The following SEC63 variants were observed in gnomAD, a reference collection of about 807,000 sequenced individuals.
SEC63 encodes SEC63 protein translocation regulator, also known as translocation protein SEC63 homolog.
In SEC63, 56 loss-of-function variants were observed where a neutral mutation model predicts 116.2. That is an observed-to-expected ratio of 0.48 (90% CI 0.39 to 0.60). The LOEUF (loss-of-function observed/expected upper bound fraction) is 0.60. Among genes scored for constraint, SEC63 ranks in the 20% least tolerant of loss-of-function variants. The pLI is 0.00. For missense variants in SEC63, 668 were observed against 900.0 expected (o/e 0.74, Z 3.30); for synonymous variants, 273 against 294.6 (o/e 0.93, Z 0.75).
intron 2 of SEC63, among the ~76,000 whole-genome samples, chr6:107,925,281 G>T (rs888763379): frequency 6.6e-6 from 1 of 152,082 alleles, no homozygotes; most frequent in East Asian, 1.9e-4. Context: ...AAAAAGAATT[G>T]CTCTGACCCA....
intron 13 of SEC63, among the ~76,000 whole-genome samples, chr6:107,897,986 C>T (rs1786902618): frequency 6.6e-6 from 1 of 152,072 alleles, no homozygotes; most frequent in Admixed American, 6.6e-5. Flanking sequence ...AAGGTTTAGC[C>T]AGGCTTGGTG....
chr6:107,893,436 G>A (rs1350482179), intron 16 of SEC63, 46 bp downstream of exon 16: 1 of 1,556,290 alleles, frequency 6.4e-7, no homozygotes, highest in Admixed American at 1.7e-5. Context: ...ATTTTAGTTT[G>A]TATATTTTAG....
intron 16 of SEC63, among the ~76,000 whole-genome samples, chr6:107,889,873 C>T (rs1786638631): frequency 6.6e-6 from 1 of 152,186 alleles, no homozygotes. Flanking sequence ...TGTTCAGTTT[C>T]CATGTAGTTG....
At position 107,870,543 on chromosome 6, in the gene SEC63, A is replaced by G. The variant is rs965507478; in HGVS notation, c.*1161T>C. ...GAATAAAAATATCCACCCTCCCTCA[A>G]TGATTCATCATGTACACATCTCTAC... On this transcript the variant is annotated 3_prime_UTR_variant, in exon 21 of 21. Transcript: ENST00000369002. 2.6e-5 allele frequency: 4 copies of G among 152,294 alleles called. No individual in the cohort carries two copies. Among genetic ancestry groups the G allele is most frequent in the Non-Finnish European group, 5.9e-5 (4 of 68,022 alleles). 9.4% of individuals were successfully genotyped at this position (152,294 alleles called of 1,614,324 possible). A position where few individuals can be genotyped will look rare whatever the true frequency, so the allele number is the denominator to read the frequency against.
intron 2 of SEC63, among the ~76,000 whole-genome samples, chr6:107,925,218 G>C (rs543682098): frequency 6.6e-6 from 1 of 152,008 alleles, no homozygotes; most frequent in South Asian, 2.1e-4. Flanking sequence ...TAACTTACTG[G>C]ACGCATTAAA....
At chr6:107,931,486 TA>T (rs56166744) in intron 1 of SEC63, among the ~76,000 whole-genome samples, 120,783 of 146,748 alleles carry the variant, frequency 0.82, 52,660 homozygotes, top group South Asian at 0.97. Context: ...CTCCCAAGTT[TA>T]AAAAAAAAAA....
At chr6:107,926,920 G>C (rs1324300229) in intron 2 of SEC63, among the ~76,000 whole-genome samples, 1 of 152,184 alleles carries the variant, frequency 6.6e-6, no homozygotes, top group Non-Finnish European at 1.5e-5. Flanking sequence ...ATGCTCTACA[G>C]TTTCCTGAGA....
chr6:107,944,830 C>A (rs1770447472), intron 1 of SEC63, among the ~76,000 whole-genome samples: 1 of 152,172 alleles, frequency 6.6e-6, no homozygotes, highest in Admixed American at 6.5e-5. Context: ...TATGTTTATA[C>A]TGCATTCATC....
Position 107,872,797 on chromosome 6 carries a change from A to G in SEC63, c.2139+11T>C. On this transcript the variant is annotated intron_variant, in intron 20 of 20. Coordinates refer to ENST00000369002, the MANE Select transcript of SEC63 (RefSeq NM_007214.5). ...GAAAACTCTTATTTATTGAAGAGTC[A>G]CTATTCTTACCTTCAATGGTTTAAT... The G allele has an allele frequency of 7.1e-7, 1 of 1,402,928 alleles. No homozygotes were observed. The highest frequency in any genetic ancestry group is 1.0e-6 in the Non-Finnish European group (1 of 1,000,124). 86.9% of individuals were successfully genotyped at this position (1,402,928 alleles called of 1,614,324 possible). A position where few individuals can be genotyped will look rare whatever the true frequency, so the allele number is the denominator to read the frequency against.
At chr6:107,927,502 A>T (rs1047095836) in intron 2 of SEC63, among the ~76,000 whole-genome samples, 1 of 152,164 alleles carries the variant, frequency 6.6e-6, no homozygotes, top group Non-Finnish European at 1.5e-5. Flanking sequence ...TTAATGGTTT[A>T]TGACCTTATC....
Position 107,908,946 on chromosome 6 carries a change from G to C in SEC63, c.714C>G (p.Thr238=), listed in dbSNP as rs142306174. ...ACTTACGTTTCATATCCATATTTCG[G>C]GTTTTATAAACAAAGTATGTATAAA... ...TQIYTYFVYK[T]RNMDMKRLIM... is the part of the protein sequence containing the mutation. Residue 238 remains threonine, a synonymous_variant, in exon 8 of 21, where the codon ACC becomes ACG. Coordinates refer to ENST00000369002, the MANE Select transcript of SEC63 (RefSeq NM_007214.5). The C allele has an allele frequency of 6.8e-6, 11 of 1,606,076 alleles. No individual in the cohort carries two copies. Among genetic ancestry groups the C allele is most frequent in the African/African-American group, 6.7e-5 (5 of 74,606 alleles).
Position 107,912,854 on chromosome 6 carries a change from T to C in SEC63, c.515-80A>G, listed in dbSNP as rs892575202. 8.6e-6 allele frequency: 9 copies of C among 1,046,804 alleles called. No homozygotes were observed. In the African/African-American group the frequency reaches 1.3e-4, roughly 15 times the overall value. The allele number at this position is 1,046,804 out of a possible 1,614,324, so 64.8% of individuals were successfully genotyped here. On this transcript the variant is annotated intron_variant, in intron 5 of 20. Transcript: ENST00000369002. ...ATACATTAAATATATTTGGGATCTA[T>C]AATATATCCCAGAACTCTCCCCCAC...
chr6:107,895,419 G>C (rs1786791729), intron 14 of SEC63, among the ~76,000 whole-genome samples: 1 of 152,028 alleles, frequency 6.6e-6, no homozygotes, highest in South Asian at 2.1e-4. Context: ...TACAAAACAT[G>C]ATTTTCAGGC....
chr6:107,951,928 G>A lies in SEC63; in HGVS notation c.124+5958C>T, dbSNP rs555786208. 2.7e-5 allele frequency among the ~76,000 whole-genome samples: 4 copies of A among 149,516 alleles called. No homozygotes were observed. In the South Asian group the frequency reaches 8.5e-4, roughly 32 times the overall value. On this transcript the variant is annotated intron_variant, in intron 1 of 20. Transcript: ENST00000369002. ...GCAGACCTTGCAGTGAGCTGAGACC[G>A]CGCCACTCCACTCCAGCTTGGGTGA...
chr6:107,883,248 C>T (rs933001406), intron 16 of SEC63, 102 bp from the exon 17 acceptor site: 3 of 1,392,792 alleles, frequency 2.2e-6, no homozygotes, highest in South Asian at 1.2e-5. Context: ...TAAACTGACT[C>T]GATGACAATT....
At chr6:107,905,105 G>C (rs1052419015) in intron 10 of SEC63, among the ~76,000 whole-genome samples, 1 of 152,160 alleles carries the variant, frequency 6.6e-6, no homozygotes. Flanking sequence ...TAGAAGAGAA[G>C]AAGAGGGCAA....
chr6:107,868,745 C>T lies in SEC63; in HGVS notation c.*2959G>A, dbSNP rs1266851375. On this transcript the variant is annotated 3_prime_UTR_variant, in exon 21 of 21. Coordinates refer to ENST00000369002, the MANE Select transcript of SEC63 (RefSeq NM_007214.5). ...AAATGGATTGCCACTCATCTACCTG[C>T]TCTAACACCAGCGAGTGAGTTCTTA... is the stretch of plus-strand genomic sequence containing the variant. 1.3e-5 allele frequency: 2 copies of T among 151,724 alleles called. No homozygotes were observed. Among genetic ancestry groups the T allele is most frequent in the African/African-American group, 2.4e-5 (1 of 41,340 alleles). The allele number at this position is 151,724 out of a possible 1,614,324, so 9.4% of individuals were successfully genotyped here.
rs1786130593 is a variant in SEC63 at position 107,871,424 on chromosome 6, C to G, written c.*280G>C. On this transcript the variant is annotated 3_prime_UTR_variant, in exon 21 of 21. Transcript: ENST00000369002. ...CATAGACTGATCAGATAATACATAG[C>G]CCACACTTCTGGACAGTTATAATAA... 4.6e-6 allele frequency: 2 copies of G among 430,426 alleles called. No homozygotes were observed. Among genetic ancestry groups the G allele is most frequent in the Non-Finnish European group, 8.7e-6 (2 of 230,270 alleles). The allele number at this position is 430,426 out of a possible 1,614,324, so 26.7% of individuals were successfully genotyped here.
intron 16 of SEC63, among the ~76,000 whole-genome samples, chr6:107,887,967 C>T (rs952352555): frequency 6.6e-6 from 1 of 152,088 alleles, no homozygotes; most frequent in African/African-American, 2.4e-5. Context: ...TGTTTTGGTA[C>T]GAGTACCATG....
Sources: gnomAD v4.1 joint callset for allele counts (sites outside exome capture counted in the v4.1 genomes callset) on GRCh38, gnomAD v4.1.1 for gene constraint, MANE v1.5 for transcripts, NCBI Gene and HGNC (gene_info 2026-07-23, HGNC 2026-07-21) for gene names.